The following FHIT variants were observed in gnomAD, a reference collection of about 807,000 sequenced individuals.
The protein encoded by FHIT is bis(5'-adenosyl)-triphosphatase.
FHIT carries 19 observed loss-of-function variants against 17.9 expected under a neutral mutation model. The observed-to-expected ratio is 1.06, with a 90% confidence interval of 0.74 to 1.56. The LOEUF (loss-of-function observed/expected upper bound fraction) is 1.56, where lower values mean the gene tolerates loss of function less well. Among genes scored for constraint, FHIT ranks in the 40% most tolerant of loss-of-function variants. The probability of loss-of-function intolerance (pLI) is 0.00; values close to 1 mark genes in which losing one functional copy is unlikely to be tolerated. For missense variants in FHIT, 248 were observed against 189.2 expected, an observed-to-expected ratio of 1.31 and a Z score of -1.82; for synonymous variants, 81 against 69.7, an observed-to-expected ratio of 1.16 and a Z score of -0.81.
chr3:60,406,983 T>C (rs1701884828), intron 5 of FHIT, among the ~76,000 whole-genome samples: 1 of 151,482 alleles, frequency 6.6e-6, no homozygotes, highest in East Asian at 1.9e-4. Context: ...TAAACCCCAA[T>C]CTACTCTGCT....
chr3:59,808,701 G>T (rs1039899078), intron 8 of FHIT, among the ~76,000 whole-genome samples: 1 of 152,140 alleles, frequency 6.6e-6, no homozygotes, highest in African/African-American at 2.4e-5. Flanking sequence ...CATGAATTAA[G>T]AACAGGGATA....
chr3:59,962,697 A>C (rs1168012430), intron 7 of FHIT, among the ~76,000 whole-genome samples: 2 of 152,222 alleles, frequency 1.3e-5, no homozygotes, highest in South Asian at 2.1e-4. Context: ...CCTTGGAAGG[A>C]AACTGATGGA....
At chr3:60,226,494 A>AAAAAAAAAAAAT in intron 5 of FHIT, among the ~76,000 whole-genome samples, 1 of 147,526 alleles carries the variant, frequency 6.8e-6, no homozygotes, top group African/African-American at 2.6e-5. Context: ...AAAAAAAAAA[A>AAAAAAAAAAAAT]CACTGCCTGC....
At chr3:60,877,255 A>T (rs1228248169) in intron 3 of FHIT, among the ~76,000 whole-genome samples, 1 of 152,160 alleles carries the variant, frequency 6.6e-6, no homozygotes, top group Non-Finnish European at 1.5e-5. Flanking sequence ...CTGCCTCCAT[A>T]AGGCTAAGCT....
intron 1 of FHIT, among the ~76,000 whole-genome samples, chr3:61,229,825 A>G (rs141685805): frequency 3.3e-5 from 5 of 152,292 alleles, no homozygotes; most frequent in African/African-American, 1.2e-4. Context: ...CTCTACTGGT[A>G]AATATATGTA....
chr3:61,028,904 A>T (rs974930573), intron 3 of FHIT, among the ~76,000 whole-genome samples: 27 of 152,016 alleles, frequency 1.8e-4, no homozygotes, highest in Non-Finnish European at 2.2e-4. Flanking sequence ...AAAAAAAGAA[A>T]AAAAAAAACA....
chr3:60,488,812 A>C (rs1325733779), intron 5 of FHIT, among the ~76,000 whole-genome samples: 2 of 152,222 alleles, frequency 1.3e-5, no homozygotes, highest in Non-Finnish European at 2.9e-5. Flanking sequence ...GAGAAAGACC[A>C]GTTATCTAAC....
At chr3:60,077,015 T>C (rs1256819235) in intron 5 of FHIT, among the ~76,000 whole-genome samples, 1 of 152,066 alleles carries the variant, frequency 6.6e-6, no homozygotes, top group African/African-American at 2.4e-5. Context: ...ATAATCTATT[T>C]ATAAGAAATA....
chr3:60,115,437 G>T (rs757761306), intron 5 of FHIT, among the ~76,000 whole-genome samples: 2 of 152,032 alleles, frequency 1.3e-5, no homozygotes, highest in Non-Finnish European at 2.9e-5. Flanking sequence ...AATTAACTAC[G>T]ATTTTAAATA....
intron 3 of FHIT, among the ~76,000 whole-genome samples, chr3:60,952,141 G>A (rs2107461529): frequency 6.6e-6 from 1 of 150,834 alleles, no homozygotes; most frequent in Middle Eastern, 3.4e-3. Context: ...TCCAGCCTGG[G>A]AGACAAGAGC....
chr3:60,762,589 G>A (rs1699696102), intron 4 of FHIT, among the ~76,000 whole-genome samples: 1 of 152,216 alleles, frequency 6.6e-6, no homozygotes, highest in South Asian at 2.1e-4. Flanking sequence ...AGCAGTATGT[G>A]ACAGTTAATT....
intron 1 of FHIT, among the ~76,000 whole-genome samples, chr3:61,203,396 C>G (rs891882761): frequency 2.0e-5 from 3 of 150,202 alleles, no homozygotes; most frequent in African/African-American, 7.3e-5. Flanking sequence ...ACCTAACATT[C>G]AAGAATGATA....
intron 8 of FHIT, among the ~76,000 whole-genome samples, chr3:59,864,970 A>G (rs192137124): frequency 2.0e-5 from 3 of 152,286 alleles, no homozygotes; most frequent in Admixed American, 1.3e-4. Flanking sequence ...GCTCATAATT[A>G]GTTGTATTAC....
chr3:59,755,967 TCA>T (rs1559575431), intron 8 of FHIT, among the ~76,000 whole-genome samples: 2 of 152,172 alleles, frequency 1.3e-5, no homozygotes, highest in African/African-American at 2.4e-5. Flanking sequence ...TCTTTGTGTC[TCA>T]GTTTTCCCCT....
At chr3:60,526,814 C>A (rs978010305) in intron 5 of FHIT, among the ~76,000 whole-genome samples, 1 of 152,100 alleles carries the variant, frequency 6.6e-6, no homozygotes, top group African/African-American at 2.4e-5. Context: ...TAGCATCAAG[C>A]CAAAGAACAA....
intron 5 of FHIT, among the ~76,000 whole-genome samples, chr3:60,137,758 T>A (rs575928471): frequency 6.6e-6 from 1 of 152,332 alleles, no homozygotes; most frequent in South Asian, 2.1e-4. Context: ...TGGATCAACC[T>A]CTTCACCTGT....
chr3:59,751,954 C>T (rs73092672), intron 9 of FHIT: 38,563 of 387,372 alleles, frequency 0.1, 2,366 homozygotes, highest in Admixed American at 0.17. Context: ...GGAGCACCAC[C>T]GCAGGAAAGA....
At chr3:60,239,311 C>T (rs1451294141) in intron 5 of FHIT, among the ~76,000 whole-genome samples, 1 of 152,138 alleles carries the variant, frequency 6.6e-6, no homozygotes. Flanking sequence ...TGTAGTCCCA[C>T]TAACTTGATT....
intron 3 of FHIT, among the ~76,000 whole-genome samples, chr3:60,883,037 T>C (rs1553758371): frequency 2.0e-5 from 3 of 152,062 alleles, no homozygotes; most frequent in African/African-American, 7.2e-5. Context: ...CAAATTAACA[T>C]ACAAAAATCA....
Sources: allele counts gnomAD v4.1 joint callset (sites outside exome capture counted in the v4.1 genomes callset), GRCh38; gene constraint gnomAD v4.1.1; transcripts MANE v1.5; gene names NCBI Gene and HGNC (gene_info 2026-07-23, HGNC 2026-07-21).